Variants in LDB2 observed in about 807,000 individuals in gnomAD.
The protein encoded by LDB2 is LIM domain-binding protein 2.
LDB2 carries 12 observed loss-of-function variants against 44.3 expected under a neutral mutation model. The ratio of observed to expected loss-of-function variants is 0.27; its 90% CI spans 0.17 to 0.44. The LOEUF (loss-of-function observed/expected upper bound fraction) is 0.44, where lower values mean the gene tolerates loss of function less well. Among genes scored for constraint, LDB2 ranks in the 20% least tolerant of loss-of-function variants. The pLI is 1.00. For missense variants in LDB2, 344 were observed against 473.5 expected, an observed-to-expected ratio of 0.73 and a Z score of 2.54; for synonymous variants, 164 against 174.8, an observed-to-expected ratio of 0.94 and a Z score of 0.49.
At chr4:16,553,063 A>G (rs2313594) in intron 5 of LDB2, among the ~76,000 whole-genome samples, 17 of 152,240 alleles carry the variant, frequency 1.1e-4, no homozygotes, top group Non-Finnish European at 2.2e-4. Context: ...AGCCATGTCA[A>G]AGAAAGAAAT....
At chr4:16,631,824 C>A (rs1399556661) in intron 2 of LDB2, among the ~76,000 whole-genome samples, 2 of 152,006 alleles carry the variant, frequency 1.3e-5, no homozygotes, top group Admixed American at 1.3e-4. Flanking sequence ...GCAAATGAAC[C>A]AGAAAATCTA....
chr4:16,502,578 T>TAAAG lies in LDB2; in HGVS notation c.*61_*64dup. 1 of 1,583,410 alleles carries TAAAG rather than the reference T, an allele frequency of 6.3e-7. No individual in the cohort carries two copies. On this transcript the variant is annotated 3_prime_UTR_variant, in exon 8 of 8. Coordinates refer to ENST00000304523, the MANE Select transcript of LDB2 (RefSeq NM_001290.5). ...TCTCTTCTGTTTCCTCTCCTGTAAGTAAAGATTTGCAATTGTAATGATCAC... is the reference window on the plus strand; with the variant it reads ...TCTCTTCTGTTTCCTCTCCTGTAAGTAAAGAAAGATTTGCAATTGTAATGATCAC...
intron 2 of LDB2, among the ~76,000 whole-genome samples, chr4:16,751,461 C>A (rs569034442): frequency 5.3e-5 from 8 of 152,274 alleles, no homozygotes; most frequent in African/African-American, 1.7e-4. Context: ...GGCCAATTTG[C>A]AACTTCTGAT....
chr4:16,824,153 C>T lies in LDB2; in HGVS notation c.133-64893G>A, dbSNP rs182958882. On this transcript the variant is annotated intron_variant, in intron 1 of 7. Coordinates refer to ENST00000304523, the MANE Select transcript of LDB2 (RefSeq NM_001290.5). Reference sequence around the variant, plus strand: ...GTCCATTTGAGGGAGGGCAGACCACCGTCCTTTGGTTTTTAGACACAAATG... The same window carrying T: ...GTCCATTTGAGGGAGGGCAGACCACTGTCCTTTGGTTTTTAGACACAAATG... 4.6e-5 allele frequency among the ~76,000 whole-genome samples: 7 copies of T among 152,246 alleles called. 1 individual carries two copies. The East Asian group carries it at 7.7e-4, about 17-fold the overall frequency.
intron 2 of LDB2, among the ~76,000 whole-genome samples, chr4:16,711,608 G>A (rs904720037): frequency 6.6e-6 from 1 of 152,156 alleles, no homozygotes; most frequent in African/African-American, 2.4e-5. Context: ...GAACTGCAAA[G>A]GGCAAAGAGT....
In LDB2 at chr4:16,542,223, G is replaced by C. The variant is rs536265868; in HGVS notation, c.616-30119C>G. Among the ~76,000 whole-genome samples, 13 of 152,020 alleles carry C rather than the reference G, an allele frequency of 8.6e-5. No homozygotes were observed. The East Asian group carries it at 2.5e-3, about 29-fold the overall frequency. On this transcript the variant is annotated intron_variant, in intron 5 of 7. Transcript: ENST00000304523. The stretch of plus-strand genomic sequence containing the variant: ...ACCAGGTTCCAGGCACTTGGGAAAA[G>C]GCAGTGAGCAAGACTGATGAAGGCC...
At chr4:16,665,638 G>C (rs1742908067) in intron 2 of LDB2, among the ~76,000 whole-genome samples, 1 of 152,104 alleles carries the variant, frequency 6.6e-6, no homozygotes, top group Non-Finnish European at 1.5e-5. Context: ...ACCTGAGCAT[G>C]AGCAGAAAAG....
chr4:16,876,532 T>C (rs996217328), intron 1 of LDB2, among the ~76,000 whole-genome samples: 1 of 152,194 alleles, frequency 6.6e-6, no homozygotes, highest in Non-Finnish European at 1.5e-5. Flanking sequence ...CATTTCATTT[T>C]ATGTGCAATA....
At chr4:16,514,114 C>T (rs1722795711) in intron 5 of LDB2, among the ~76,000 whole-genome samples, 1 of 152,212 alleles carries the variant, frequency 6.6e-6, no homozygotes. Flanking sequence ...GTCATACTCT[C>T]TTTGTCCAAT....
Position 16,763,073 on chromosome 4 carries a change from C to CCACA in LDB2, c.133-3817_133-3814dup, listed in dbSNP as rs57168902. 4.9e-3 allele frequency among the ~76,000 whole-genome samples: 684 copies of CCACA among 140,226 alleles called. 5 individuals carry two copies. The highest frequency in any genetic ancestry group is 0.02 in the Admixed American group (280 of 14,214). 92.0% of individuals were successfully genotyped at this position (140,226 alleles called of 152,430 possible). ...GGGAGAATGGGCACATTAGGTAACA[C>CCACA]CACACACACACACACACACACACAC... On this transcript the variant is annotated intron_variant, in intron 1 of 7. Transcript: ENST00000304523.
chr4:16,707,148 T>C (rs1410547213), intron 2 of LDB2, among the ~76,000 whole-genome samples: 1 of 152,154 alleles, frequency 6.6e-6, no homozygotes, highest in Non-Finnish European at 1.5e-5. Context: ...TTAAAAAAAA[T>C]TGATGAAATA....
intron 2 of LDB2, among the ~76,000 whole-genome samples, chr4:16,741,007 G>A (rs1302539037): frequency 6.6e-6 from 1 of 152,184 alleles, no homozygotes; most frequent in Non-Finnish European, 1.5e-5. Flanking sequence ...GGAAAAAAAT[G>A]CATTCACTTT....
rs113449985 is a variant in LDB2, at chr4:16,857,853, C to T, written c.132+40501G>A. On this transcript the variant is annotated intron_variant, in intron 1 of 7. Coordinates refer to ENST00000304523, the MANE Select transcript of LDB2 (RefSeq NM_001290.5). ...TTCCCTTACTCAGTGTTAGGCTCTT[C>T]ATATCACATACCAGAACGCAGTACA... Among the ~76,000 whole-genome samples, 1,491 of 152,230 alleles carry T rather than the reference C, an allele frequency of 9.8e-3. 30 individuals are homozygous for T. The highest frequency in any genetic ancestry group is 0.034 in the African/African-American group (1,392 of 41,534).
chr4:16,883,182 C>G (rs902088484), intron 1 of LDB2, among the ~76,000 whole-genome samples: 2 of 152,266 alleles, frequency 1.3e-5, no homozygotes, highest in South Asian at 2.1e-4. Context: ...AGAAAAAGAG[C>G]TGAAGGAGGC....
chr4:16,896,727 G>A (rs1373741700), intron 1 of LDB2, among the ~76,000 whole-genome samples: 2 of 152,108 alleles, frequency 1.3e-5, no homozygotes, highest in Non-Finnish European at 2.9e-5. Context: ...ATGTGTGCCT[G>A]AACTATAAGA....
At chr4:16,751,570 A>G (rs1765507006) in intron 2 of LDB2, among the ~76,000 whole-genome samples, 1 of 152,218 alleles carries the variant, frequency 6.6e-6, no homozygotes, top group Admixed American at 6.5e-5. Flanking sequence ...TCTCTCAAGT[A>G]TTTTTATGAC....
intron 2 of LDB2, among the ~76,000 whole-genome samples, chr4:16,682,694 G>C (rs1748247313): frequency 2.0e-5 from 3 of 152,188 alleles, no homozygotes; most frequent in Admixed American, 2.0e-4. Flanking sequence ...AGCTCCTGGA[G>C]GGAAAAGACT....
At chr4:16,763,530 G>A (rs940865758) in intron 1 of LDB2, among the ~76,000 whole-genome samples, 1 of 150,358 alleles carries the variant, frequency 6.7e-6, no homozygotes, top group African/African-American at 2.5e-5. Context: ...TTTAGGAAAG[G>A]AATAAAAGTA....
intron 2 of LDB2, among the ~76,000 whole-genome samples, chr4:16,657,991 A>C (rs1740409746): frequency 6.6e-6 from 1 of 152,248 alleles, no homozygotes; most frequent in Non-Finnish European, 1.5e-5. Flanking sequence ...ATTTATCTAC[A>C]AATAAGTCAC....
Sources: allele counts gnomAD v4.1 joint callset (sites outside exome capture counted in the v4.1 genomes callset), GRCh38; gene constraint gnomAD v4.1.1; transcripts MANE v1.5; gene names NCBI Gene and HGNC (gene_info 2026-07-23, HGNC 2026-07-21).